CYP4A11: variants seen among roughly 807,000 people sequenced by gnomAD.
CYP4A11 encodes the protein cytochrome P450 family 4 subfamily A member 11.
Under a neutral mutation model 57.7 loss-of-function variants are expected in CYP4A11, and 52 were observed. The ratio of observed to expected loss-of-function variants is 0.90; its 90% CI spans 0.72 to 1.14. The LOEUF is 1.14. Among genes scored for constraint, CYP4A11 ranks in the 50% most tolerant of loss-of-function variants. The pLI, the probability that CYP4A11 is intolerant of heterozygous loss-of-function variation, is 0.00. For synonymous variants in CYP4A11, 228 were observed against 247.1 expected (o/e 0.92, Z 0.72); for missense variants, 641 against 642.1 (o/e 1.00, Z 0.02).
chr1:46,931,080 A>G (rs1025128878), intron 11 of CYP4A11, among the ~76,000 whole-genome samples: 1 of 152,130 alleles, frequency 6.6e-6, no homozygotes, highest in African/African-American at 2.4e-5. Context: ...CAGCATCCCA[A>G]TGCCTCAGCT....
At chr1:46,935,260 T>C in intron 5 of CYP4A11, 106 bp from the exon 6 acceptor site, 2 of 1,371,582 alleles carry the variant, frequency 1.5e-6, no homozygotes, top group Non-Finnish European at 2.0e-6. Context: ...ACAAGCAGCC[T>C]TGAGGCAATG....
chr1:46,934,787 A>T (rs1681272838), intron 6 of CYP4A11, among the ~76,000 whole-genome samples: 1 of 152,206 alleles, frequency 6.6e-6, no homozygotes, highest in Non-Finnish European at 1.5e-5. Flanking sequence ...ACAGGGTCTC[A>T]TTCAGTTATC....
chr1:46,935,288 C>T lies in CYP4A11; in HGVS notation c.636-134G>A, dbSNP rs555606993. On this transcript the variant is annotated intron_variant, in intron 5 of 11. Transcript: ENST00000310638. ...AGGCAATGTTTCTTCTATCTTACAG[C>T]CCTATTATCCTTTGGCCTTTATCAG... 14 of 1,211,438 alleles carry T rather than the reference C, an allele frequency of 1.2e-5. No individual in the cohort carries two copies. The Admixed American group carries it at 3.2e-4, about 28-fold the overall frequency. The allele number at this position is 1,211,438 out of a possible 1,614,324, so 75.0% of individuals were successfully genotyped here. A position where few individuals can be genotyped will look rare whatever the true frequency, so the allele number is the denominator to read the frequency against.
At chr1:46,933,136 A>C (rs1681135486) in intron 9 of CYP4A11, 89 bp from the exon 10 acceptor site, 1 of 1,565,388 alleles carries the variant, frequency 6.4e-7, no homozygotes, top group African/African-American at 1.4e-5. Flanking sequence ...AGAAGGCCCA[A>C]AAAGCCTACT....
rs1440901005 is a variant in CYP4A11, at chr1:46,930,100, G to C, written c.*15C>G. 6.3e-7 allele frequency: 1 copy of C among 1,599,784 alleles called. No individual in the cohort carries two copies. On this transcript the variant is annotated 3_prime_UTR_variant, in exon 12 of 12. Coordinates refer to ENST00000310638, the MANE Select transcript of CYP4A11 (RefSeq NM_000778.4). ...GAAGCGGGGGTCAGGAAGACAGGAC[G>C]GCAGGTGGAGGCCCTCAAAGCTGGT...
intron 1 of CYP4A11, 165 bp downstream of exon 1, chr1:46,941,074 G>A (rs1369448015): frequency 1.1e-6 from 1 of 950,850 alleles, no homozygotes; most frequent in African/African-American, 1.8e-5. Flanking sequence ...GGAGAAGTGA[G>A]CTCCTCATGA....
In CYP4A11 at chr1:46,936,663, C is replaced by G; in HGVS notation, c.510+1G>C. The G allele has an allele frequency of 6.3e-7, 1 of 1,597,862 alleles. No homozygotes were observed. The highest frequency in any genetic ancestry group is 8.5e-7 in the Non-Finnish European group (1 of 1,171,784). The stretch of plus-strand genomic sequence containing the variant: ...GGGAGAGGAGAGAGACATGGACTCA[C>G]CAGCATCACTCGTACAGAGTCTGCC... On this transcript the variant is annotated splice_donor_variant, in intron 4 of 11. Transcript: ENST00000310638. LOFTEE classifies it high-confidence loss of function.
Position 46,934,346 on chromosome 1 carries a change from C to A in CYP4A11, c.918G>T (p.Leu306Phe), listed in dbSNP as rs148595946. The A allele has an allele frequency of 2.5e-6, 4 of 1,590,790 alleles. No homozygotes were observed. Among genetic ancestry groups the A allele is most frequent in the Non-Finnish European group, 2.6e-6 (3 of 1,166,660 alleles). ...LLAKMENGSI[L>F]SDKDLRAEVD... Reference sequence around the variant, plus strand: ...CCTCAGCACGGAGGTCCTTGTCTGACAAGATGCTCCCATTCTCCATCTGGG... The same window carrying A: ...CCTCAGCACGGAGGTCCTTGTCTGAAAAGATGCTCCCATTCTCCATCTGGG... Residue 306 changes from leucine to phenylalanine, a missense_variant, in exon 8 of 12, where the codon TTG becomes TTT. Leu to Phe is a conservative substitution (Grantham distance 22, BLOSUM62 0). Transcript: ENST00000310638.
chr1:46,929,916 A>G lies in CYP4A11; in HGVS notation c.*199T>C, dbSNP rs1680906114. 1.4e-6 allele frequency: 1 copy of G among 709,014 alleles called. No individual in the cohort carries two copies. 43.9% of individuals were successfully genotyped at this position (709,014 alleles called of 1,614,324 possible). On this transcript the variant is annotated 3_prime_UTR_variant, in exon 12 of 12. Coordinates refer to ENST00000310638, the MANE Select transcript of CYP4A11 (RefSeq NM_000778.4). ...CCCAACACTCAGCTTTTCTCCCAACAAGAGATACAGGTGGGTAGGAGACAG... is the reference window on the plus strand; with the variant it reads ...CCCAACACTCAGCTTTTCTCCCAACGAGAGATACAGGTGGGTAGGAGACAG...
chr1:46,941,081 A>G (rs553268266), intron 1 of CYP4A11, 158 bp downstream of exon 1: 21 of 959,460 alleles, frequency 2.2e-5, no homozygotes, highest in Middle Eastern at 5.4e-4. Context: ...TGAGCTCCTC[A>G]TGACTGGGAA....
intron 11 of CYP4A11, among the ~76,000 whole-genome samples, chr1:46,930,594 AG>A (rs1303288016): frequency 2.0e-5 from 3 of 152,188 alleles, no homozygotes; most frequent in Non-Finnish European, 1.5e-5. Flanking sequence ...CAGGGCTCTA[AG>A]GCACAGAGTC....
chr1:46,938,975 C>T (rs753088623), intron 1 of CYP4A11, among the ~76,000 whole-genome samples: 3 of 152,210 alleles, frequency 2.0e-5, no homozygotes, highest in Non-Finnish European at 4.4e-5. Context: ...CACCTGCTCA[C>T]TCTTCTGGGC....
intron 9 of CYP4A11, 136 bp downstream of exon 9, chr1:46,933,810 T>C (rs1335976399): frequency 5.0e-6 from 7 of 1,387,784 alleles, no homozygotes; most frequent in Non-Finnish European, 6.7e-6. Context: ...TTATCCCAAG[T>C]ACAAAGTATG....
chr1:46,934,143 G>A (rs1042050259), intron 8 of CYP4A11, 33 bp downstream of exon 8: 3 of 1,610,302 alleles, frequency 1.9e-6, no homozygotes, highest in Non-Finnish European at 2.5e-6. Context: ...TGTGGAGAAG[G>A]CAGGGAACCC....
intron 11 of CYP4A11, among the ~76,000 whole-genome samples, chr1:46,931,143 C>A (rs1414003175): frequency 6.6e-6 from 1 of 152,202 alleles, no homozygotes; most frequent in South Asian, 2.1e-4. Context: ...ACCTGTCCAG[C>A]CCACGTCCTG....
Position 46,934,018 on chromosome 1 carries a change from G to T in CYP4A11, c.1150C>A (p.Pro384Thr). ...MCIKEALRLY[P>T]PVPGIGRELS... is the part of the protein sequence containing the mutation. ...TCTCTGCCAATGCCTGGCACCGGTG[G>T]GTAGAGCCTCAGTGCCTCCTTAATG... The change falls in exon 9 of 12, where the codon CCA becomes ACA. Residue 384 changes from proline to threonine, a missense_variant. Coordinates refer to ENST00000310638, the MANE Select transcript of CYP4A11 (RefSeq NM_000778.4). 1 of 1,613,996 alleles carries T rather than the reference G, an allele frequency of 6.2e-7. No individual in the cohort carries two copies. The highest frequency in any genetic ancestry group is 8.5e-7 in the Non-Finnish European group (1 of 1,180,004).
Position 46,932,827 on chromosome 1 carries a change from G to A in CYP4A11, c.1298C>T (p.Pro433Leu). ...KVWPNPEVFD[P>L]FRFAPGSAQH... ...AGCAGAACCCGGTGCAAAACGGAAA[G>A]GGTCAAACACCTGCAGAGAGAGCAC... Residue 433 changes from proline (P) to leucine (L), a missense_variant, in exon 11 of 12, where the codon CCT (proline) becomes CTT (leucine). Physicochemically the swap from Pro to Leu is moderately conservative, Grantham distance 98. Transcript: ENST00000310638. 6.2e-7 allele frequency: 1 copy of A among 1,614,140 alleles called. No homozygotes were observed. The highest frequency in any genetic ancestry group is 8.5e-7 in the Non-Finnish European group (1 of 1,179,998).
At chr1:46,936,528 C>G in intron 4 of CYP4A11, 136 bp downstream of exon 4, 1 of 1,354,956 alleles carries the variant, frequency 7.4e-7, no homozygotes, top group Non-Finnish European at 9.6e-7. Flanking sequence ...ACCCTCTACT[C>G]TCACAGCAAT....
chr1:46,936,122 A>G (rs1681373216), intron 4 of CYP4A11, among the ~76,000 whole-genome samples: 1 of 152,234 alleles, frequency 6.6e-6, no homozygotes, highest in African/African-American at 2.4e-5. Context: ...ATTCATCAAA[A>G]TGTGCTGGGC....
Sources: allele counts gnomAD v4.1 joint callset (sites outside exome capture counted in the v4.1 genomes callset), GRCh38; gene constraint gnomAD v4.1.1; transcripts MANE v1.5; gene names NCBI Gene and HGNC (gene_info 2026-07-23, HGNC 2026-07-21).